Variants in USH1C observed in about 807,000 individuals in gnomAD.
The protein encoded by USH1C is USH1 protein network component harmonin.
USH1C carries 90 observed loss-of-function variants against 119.3 expected under a neutral mutation model. The ratio of observed to expected loss-of-function variants is 0.75; its 90% CI spans 0.64 to 0.90. USH1C has a LOEUF of 0.90. USH1C is among the 40% of genes least tolerant of loss of function. The probability of loss-of-function intolerance (pLI) is 0.00; values close to 1 mark genes in which losing one functional copy is unlikely to be tolerated. For missense variants in USH1C, 1,165 were observed against 1,167.7 expected, an observed-to-expected ratio of 1.00 and a Z score of 0.03; for synonymous variants, 465 against 443.3, an observed-to-expected ratio of 1.05 and a Z score of -0.62.
intron 9 of USH1C, among the ~76,000 whole-genome samples, chr11:17,524,072 A>G (rs544559282): frequency 1.3e-5 from 2 of 152,310 alleles, no homozygotes; most frequent in Non-Finnish European, 2.9e-5. Flanking sequence ...TTTTGGAAAA[A>G]TCATATACTT....
At chr11:17,496,610 G>A in intron 25 of USH1C, 148 bp downstream of exon 25, 1 of 1,002,052 alleles carries the variant, frequency 1.0e-6, no homozygotes, top group South Asian at 1.4e-5. Context: ...TCTAGTCCAG[G>A]AGTTTTCTAG....
chr11:17,524,560 T>TC (rs1462609028), intron 8 of USH1C, 25 bp from the exon 9 acceptor site: 1 of 1,552,586 alleles, frequency 6.4e-7, no homozygotes, highest in East Asian at 2.4e-5. Flanking sequence ...AAATGTGTGC[T>TC]CGGGATTCAG....
At position 17,494,379 on chromosome 11, in the gene USH1C, G is replaced by A. The variant is rs1219323712; in HGVS notation, c.2656-3C>T. On this transcript the variant is annotated splice_polypyrimidine_tract_variant and splice_region_variant and intron_variant, in intron 26 of 26. Coordinates refer to ENST00000005226, the MANE Select transcript of USH1C (RefSeq NM_153676.4). ...CTTTTGGACTTCAGAAGAAGGTCCT[G>A]CAGGGAAGTGGAAACAGCCCAGGTG... 3 of 1,596,442 alleles carry A rather than the reference G, an allele frequency of 1.9e-6. No homozygotes were observed. The highest frequency in any genetic ancestry group is 2.6e-6 in the Non-Finnish European group (3 of 1,170,882).
intron 15 of USH1C, among the ~76,000 whole-genome samples, chr11:17,512,539 G>A (rs1419092510): frequency 6.6e-6 from 1 of 152,254 alleles, no homozygotes; most frequent in Middle Eastern, 3.2e-3. Flanking sequence ...ATCATCTCAT[G>A]TTCAGATTCA....
At chr11:17,542,917 C>T (rs959966968) in intron 1 of USH1C, among the ~76,000 whole-genome samples, 4 of 152,210 alleles carry the variant, frequency 2.6e-5, no homozygotes, top group African/African-American at 9.6e-5. Context: ...CAGCTATCAC[C>T]CACCCCTGGG....
At chr11:17,519,066 C>A (rs1175767538) in intron 14 of USH1C, among the ~76,000 whole-genome samples, 1 of 150,852 alleles carries the variant, frequency 6.6e-6, no homozygotes, top group African/African-American at 2.5e-5. Context: ...GGCATAGAAG[C>A]CTGAGTCAGG....
At chr11:17,506,181 C>T (rs893970021) in intron 18 of USH1C, among the ~76,000 whole-genome samples, 3 of 152,152 alleles carry the variant, frequency 2.0e-5, no homozygotes, top group African/African-American at 2.4e-5. Context: ...AGAAATTGGA[C>T]GCTTGAGCTA....
At chr11:17,516,452 T>C in intron 14 of USH1C, 162 bp from the exon 15 acceptor site, 1 of 738,604 alleles carries the variant, frequency 1.4e-6, no homozygotes, top group Non-Finnish European at 2.3e-6. Context: ...CAACTCGGCT[T>C]ACCTGGCCTT....
At chr11:17,498,765 T>C (rs1849332881) in intron 23 of USH1C, among the ~76,000 whole-genome samples, 1 of 152,210 alleles carries the variant, frequency 6.6e-6, no homozygotes, top group South Asian at 2.1e-4. Flanking sequence ...CGAATGTAGA[T>C]CTTGCCTATT....
chr11:17,517,099 AG>A (rs1055122711), intron 14 of USH1C, among the ~76,000 whole-genome samples: 2 of 152,144 alleles, frequency 1.3e-5, no homozygotes, highest in Non-Finnish European at 2.9e-5. Flanking sequence ...AGAGTGGTCT[AG>A]GGGGTCCTGG....
chr11:17,543,674 C>T (rs1341878639), intron 1 of USH1C, among the ~76,000 whole-genome samples: 2 of 152,178 alleles, frequency 1.3e-5, no homozygotes, highest in Non-Finnish European at 2.9e-5. Context: ...ATCTGGCCGG[C>T]CAGAGCCCAG....
Position 17,495,581 on chromosome 11 carries a change from C to T in USH1C, c.2643G>A (p.Gln881=). The T allele has an allele frequency of 1.2e-6, 2 of 1,614,130 alleles. No individual in the cohort carries two copies. Among genetic ancestry groups the T allele is most frequent in the Non-Finnish European group, 1.7e-6 (2 of 1,180,044 alleles). ...AAVHRHGFLL[Q]LEPTDLLLKS... is the part of the protein sequence containing the mutation. The stretch of plus-strand genomic sequence containing the variant: ...CCTGCCTATTCACCGTGGGCTCCAG[C>T]TGCAGGAGGAACCCGTGTCTGTGCA... Residue 881 remains glutamine, a synonymous_variant, in exon 26 of 27, where the codon CAG becomes CAA. Coordinates refer to ENST00000005226, the MANE Select transcript of USH1C (RefSeq NM_153676.4).
intron 14 of USH1C, among the ~76,000 whole-genome samples, chr11:17,519,136 G>A (rs560859776): frequency 2.0e-5 from 3 of 152,336 alleles, no homozygotes; most frequent in Admixed American, 6.5e-5. Context: ...GCTGGCTGGG[G>A]CCCAGGCCTG....
At chr11:17,527,995 G>T (rs1850785408) in intron 4 of USH1C, among the ~76,000 whole-genome samples, 1 of 152,156 alleles carries the variant, frequency 6.6e-6, no homozygotes, top group Non-Finnish European at 1.5e-5. Context: ...AGATGTGCTG[G>T]GTTCAAATCC....
intron 19 of USH1C, among the ~76,000 whole-genome samples, chr11:17,505,455 T>C (rs762804797): frequency 1.3e-5 from 2 of 152,262 alleles, no homozygotes; most frequent in Admixed American, 6.5e-5. Flanking sequence ...TGGTAACCTC[T>C]CTAAACCTCC....
intron 4 of USH1C, 119 bp from the exon 5 acceptor site, chr11:17,527,450 C>CTT: frequency 7.2e-6 from 6 of 833,978 alleles, no homozygotes; most frequent in Non-Finnish European, 1.2e-5. Flanking sequence ...CTGTGCCACC[C>CTT]CCTGGAATAA....
chr11:17,515,695 G>A (rs1465075508), intron 15 of USH1C, among the ~76,000 whole-genome samples: 1 of 152,218 alleles, frequency 6.6e-6, no homozygotes, highest in Non-Finnish European at 1.5e-5. Context: ...AAGATTTAGA[G>A]AGAAAATTAA....
intron 15 of USH1C, chr11:17,514,766 A>G (rs79464139): frequency 6.8e-6 from 1 of 146,692 alleles, no homozygotes; most frequent in East Asian, 2.0e-4. Context: ...AGATGGGGCG[A>G]TTGTGCTATT....
At chr11:17,533,945 G>T (rs950916342) in intron 1 of USH1C, 1 of 303,624 alleles carries the variant, frequency 3.3e-6, no homozygotes, top group Non-Finnish European at 6.7e-6. Context: ...AGCCCCGCAG[G>T]GGGAGCGTCA....
Sources: gnomAD v4.1 joint callset for allele counts (sites outside exome capture counted in the v4.1 genomes callset) on GRCh38, gnomAD v4.1.1 for gene constraint, MANE v1.5 for transcripts, NCBI Gene and HGNC (gene_info 2026-07-23, HGNC 2026-07-21) for gene names.